The following WDR7 variants were observed in gnomAD, a reference collection of about 807,000 sequenced individuals.
The protein encoded by WDR7 is WD repeat-containing protein 7.
Under a neutral mutation model 169.4 loss-of-function variants are expected in WDR7, and 46 were observed. The observed-to-expected ratio is 0.27, with a 90% CI of 0.21 to 0.35. The LOEUF (loss-of-function observed/expected upper bound fraction) is 0.35. Ranked by LOEUF, WDR7 falls within the 10% of genes least tolerant of loss-of-function variation. The pLI is 1.00. For missense variants in WDR7, 1,534 were observed against 1,859.3 expected (o/e 0.83, Z 3.22); for synonymous variants, 612 against 666.8 (o/e 0.92, Z 1.27).
intron 8 of WDR7, 128 bp from the exon 9 acceptor site, chr18:56,691,587 G>T: frequency 1.1e-6 from 1 of 882,502 alleles, no homozygotes. Context: ...TTAATTTAAT[G>T]CCTGCATTAA....
At chr18:56,949,320 A>G (rs1249639091) in intron 25 of WDR7, among the ~76,000 whole-genome samples, 1 of 152,230 alleles carries the variant, frequency 6.6e-6, no homozygotes, top group Non-Finnish European at 1.5e-5. Flanking sequence ...AAAACTGAGC[A>G]TTTTAAAAAT....
chr18:56,714,072 C>A (rs1598983732), intron 12 of WDR7, among the ~76,000 whole-genome samples: 1 of 152,280 alleles, frequency 6.6e-6, no homozygotes, highest in African/African-American at 2.4e-5. Context: ...TTTGTTTTCA[C>A]ACAGGCTGCA....
At chr18:56,983,040 G>C (rs2047668073) in intron 26 of WDR7, among the ~76,000 whole-genome samples, 1 of 152,182 alleles carries the variant, frequency 6.6e-6, no homozygotes. Context: ...ATCTCAACCA[G>C]ATTTGACAAA....
At chr18:57,034,495 T>C (rs1363271535), downstream of WDR7, 1 of 152,136 alleles carries the variant, frequency 6.6e-6, no homozygotes, top group Non-Finnish European at 1.5e-5. Context: ...AAATGGAGTT[T>C]GGGAGCTGAG....
Position 56,735,225 on chromosome 18 carries a change from G to A in WDR7, c.1989+3628G>A, listed in dbSNP as rs181317469. Among the ~76,000 whole-genome samples, 142 of 152,246 alleles carry A rather than the reference G, an allele frequency of 9.3e-4. 2 individuals are homozygous for A. Among genetic ancestry groups the A allele is most frequent in the Non-Finnish European group, 6.0e-4 (41 of 68,000 alleles). On this transcript the variant is annotated intron_variant, in intron 14 of 27. Transcript: ENST00000254442. ...TGGAAAAGGGGATGGTTAGGAAGCT[G>A]TTGCATAAGTTGAATAAATAGGACT... is the stretch of plus-strand genomic sequence containing the variant.
chr18:56,774,401 C>A (rs1350636905), intron 16 of WDR7, among the ~76,000 whole-genome samples: 1 of 152,036 alleles, frequency 6.6e-6, no homozygotes, highest in African/African-American at 2.4e-5. Flanking sequence ...TGAGAGTAAG[C>A]AGTTGAAGCG....
At chr18:56,821,451 G>C (rs2145238490) in intron 20 of WDR7, among the ~76,000 whole-genome samples, 1 of 152,264 alleles carries the variant, frequency 6.6e-6, no homozygotes, top group East Asian at 1.9e-4. Context: ...AGTCCTACCT[G>C]ATTCCAAAGC....
At chr18:56,702,592 A>G (rs2025857596) in intron 12 of WDR7, among the ~76,000 whole-genome samples, 1 of 152,240 alleles carries the variant, frequency 6.6e-6, no homozygotes, top group Non-Finnish European at 1.5e-5. Flanking sequence ...CAATTGTGGT[A>G]GGTAGCTGGA....
At chr18:56,784,727 G>A (rs757561073) in intron 19 of WDR7, among the ~76,000 whole-genome samples, 2 of 152,150 alleles carry the variant, frequency 1.3e-5, no homozygotes, top group African/African-American at 2.4e-5. Context: ...TCTGGTCACT[G>A]TTTAAGTATA....
At chr18:56,848,116 T>C (rs1160421787) in intron 20 of WDR7, among the ~76,000 whole-genome samples, 1 of 152,224 alleles carries the variant, frequency 6.6e-6, no homozygotes, top group Non-Finnish European at 1.5e-5. Flanking sequence ...CCACAGAGGC[T>C]GCACCTTGCA....
intron 19 of WDR7, among the ~76,000 whole-genome samples, chr18:56,787,870 A>G (rs1478012911): frequency 6.6e-6 from 1 of 152,200 alleles, no homozygotes; most frequent in African/African-American, 2.4e-5. Flanking sequence ...TAGTTTAAAT[A>G]TTAGTGTATT....
intron 20 of WDR7, among the ~76,000 whole-genome samples, chr18:56,831,049 C>T (rs947104570): frequency 6.6e-5 from 10 of 152,150 alleles, no homozygotes; most frequent in Non-Finnish European, 7.3e-5. Context: ...TCAGTGTAGC[C>T]AGACTAAACT....
intron 26 of WDR7, among the ~76,000 whole-genome samples, chr18:56,965,580 C>G (rs1054876394): frequency 2.6e-5 from 4 of 151,916 alleles, no homozygotes; most frequent in African/African-American, 4.8e-5. Flanking sequence ...CTGAAGCTAG[C>G]CTGCCACTTG....
At chr18:56,803,315 C>G (rs905499152) in intron 19 of WDR7, among the ~76,000 whole-genome samples, 12 of 152,186 alleles carry the variant, frequency 7.9e-5, no homozygotes, top group African/African-American at 2.9e-4. Context: ...AAACCAGATT[C>G]TTGTGTATTT....
At chr18:56,927,929 A>G (rs1187688149) in intron 22 of WDR7, among the ~76,000 whole-genome samples, 3 of 152,164 alleles carry the variant, frequency 2.0e-5, no homozygotes, top group Non-Finnish European at 4.4e-5. Context: ...AAGTATAGAC[A>G]TTCAGGGCAT....
At chr18:56,661,148 C>G (rs2024896537) in intron 1 of WDR7, among the ~76,000 whole-genome samples, 2 of 152,074 alleles carry the variant, frequency 1.3e-5, no homozygotes, top group African/African-American at 4.8e-5. Context: ...GTTCAGTGCT[C>G]AGTTTAGACT....
intron 27 of WDR7, among the ~76,000 whole-genome samples, chr18:57,025,059 A>G (rs935877194): frequency 1.3e-5 from 2 of 152,204 alleles, no homozygotes; most frequent in African/African-American, 4.8e-5. Context: ...CATCTAGAGT[A>G]TTCCCATGAG....
intron 20 of WDR7, among the ~76,000 whole-genome samples, chr18:56,851,579 G>A (rs1053131827): frequency 5.3e-5 from 8 of 152,064 alleles, no homozygotes; most frequent in Admixed American, 6.5e-5. Context: ...AAAGCACCCA[G>A]CCCACAGCTG....
chr18:56,988,590 AGTGTGTGTGTGTGTGTGTGT>A (rs71171009), intron 26 of WDR7, among the ~76,000 whole-genome samples: 7 of 142,686 alleles, frequency 4.9e-5, no homozygotes, highest in East Asian at 2.2e-4. Context: ...ATGGAAGGCA[AGTGTGTGTGTGTGTGTGTGT>A]GTGTGTGTGT....
Sources: allele counts gnomAD v4.1 joint callset (sites outside exome capture counted in the v4.1 genomes callset), GRCh38; gene constraint gnomAD v4.1.1; transcripts MANE v1.5; gene names NCBI Gene and HGNC (gene_info 2026-07-23, HGNC 2026-07-21).